UBE2R2: variants seen among roughly 807,000 people sequenced by gnomAD.
The protein encoded by UBE2R2 is ubiquitin conjugating enzyme E2 R2.
A neutral mutation model predicts 27.8 loss-of-function variants in UBE2R2; 1 was observed. The observed-to-expected ratio is 0.04, with a 90% CI of 0.01 to 0.17. The LOEUF (loss-of-function observed/expected upper bound fraction) is 0.17, where lower values mean the gene tolerates loss of function less well. Ranked by LOEUF, UBE2R2 falls within the 10% of genes least tolerant of loss-of-function variation. The pLI, the probability that UBE2R2 is intolerant of heterozygous loss-of-function variation, is 1.00. For synonymous variants in UBE2R2, 106 were observed against 113.3 expected (o/e 0.94, Z 0.41); for missense variants, 100 against 291.0 (o/e 0.34, Z 4.78).
At chr9:33,893,439 T>C (rs549049205) in intron 2 of UBE2R2, among the ~76,000 whole-genome samples, 5 of 152,284 alleles carry the variant, frequency 3.3e-5, no homozygotes, top group South Asian at 2.1e-4. Context: ...TATATAGATA[T>C]ACCACAATTT....
At chr9:33,826,917 T>A (rs1331731557) in intron 1 of UBE2R2, among the ~76,000 whole-genome samples, 1 of 151,998 alleles carries the variant, frequency 6.6e-6, no homozygotes, top group Admixed American at 6.6e-5. Flanking sequence ...ACCCCACATC[T>A]ACTGAAAATC....
chr9:33,856,038 A>G (rs969181258), intron 1 of UBE2R2, among the ~76,000 whole-genome samples: 2 of 152,144 alleles, frequency 1.3e-5, no homozygotes, highest in African/African-American at 4.8e-5. Context: ...AGCCTGGGTG[A>G]TAGAACCTGC....
At chr9:33,891,050 T>TTTTTGTTTTTTTTTTG (rs1554676124) in intron 2 of UBE2R2, among the ~76,000 whole-genome samples, 3 of 140,658 alleles carry the variant, frequency 2.1e-5, no homozygotes, top group East Asian at 2.2e-4. Context: ...TTGTTGTGTT[T>TTTTTGTTTTTTTTTTG]TTTTGTTTTT....
chr9:33,858,195 A>G (rs540323291), intron 1 of UBE2R2, among the ~76,000 whole-genome samples: 92 of 152,308 alleles, frequency 6.0e-4, no homozygotes, highest in African/African-American at 1.9e-3. Flanking sequence ...GTACCCTAGA[A>G]TCTTCTCAGG....
At position 33,917,171 on chromosome 9, in the gene UBE2R2, T is replaced by A. The variant is rs1564008880; in HGVS notation, c.651T>A (p.Asp217Glu). 2.5e-6 allele frequency: 4 copies of A among 1,614,114 alleles called. No homozygotes were observed. Residue 217 changes from aspartate to glutamate, a missense_variant, in exon 5 of 5, where the codon GAT (aspartate) becomes GAA (glutamate). This residue lies in a region of UBE2R2 where 55 missense variants were observed against 122.6 expected (regional missense o/e 0.45). Transcript: ENST00000263228. ...YDDLYDDDID[D>E]EDEEEEDADC... ...ACTTGTATGATGACGACATTGATGA[T>A]GAAGATGAGGAGGAGGAAGATGCCG... is the stretch of plus-strand genomic sequence containing the variant.
intron 1 of UBE2R2, among the ~76,000 whole-genome samples, chr9:33,852,386 C>G (rs1046132620): frequency 5.3e-5 from 8 of 152,178 alleles, no homozygotes; most frequent in Non-Finnish European, 1.2e-4. Context: ...TGATCCAAAT[C>G]TGACCTGGTC....
chr9:33,836,976 T>G (rs1402604602), intron 1 of UBE2R2, among the ~76,000 whole-genome samples: 1 of 152,102 alleles, frequency 6.6e-6, no homozygotes, highest in Non-Finnish European at 1.5e-5. Context: ...ATCCTGTGCA[T>G]GGTATGTGAA....
intron 4 of UBE2R2, 43 bp from the exon 5 acceptor site, chr9:33,916,971 TAAAA>T (rs1341972149): frequency 6.2e-7 from 1 of 1,601,808 alleles, no homozygotes; most frequent in African/African-American, 1.3e-5. Context: ...AAATCTGTCT[TAAAA>T]AAAGACTTAC....
At chr9:33,849,278 T>A (rs1044853569) in intron 1 of UBE2R2, among the ~76,000 whole-genome samples, 1 of 151,860 alleles carries the variant, frequency 6.6e-6, no homozygotes, top group African/African-American at 2.4e-5. Context: ...ATAAATAAAC[T>A]CCTGTTTATT....
At chr9:33,869,872 G>T (rs1385925033) in intron 1 of UBE2R2, among the ~76,000 whole-genome samples, 2 of 151,800 alleles carry the variant, frequency 1.3e-5, no homozygotes, top group Non-Finnish European at 2.9e-5. Flanking sequence ...TTGAGATGGA[G>T]TTTCGCTCTT....
chr9:33,873,195 A>T (rs912383949), intron 1 of UBE2R2, among the ~76,000 whole-genome samples: 1 of 149,800 alleles, frequency 6.7e-6, no homozygotes, highest in Non-Finnish European at 1.5e-5. Flanking sequence ...AAAAAAAAAA[A>T]AAGATCTAAT....
intron 1 of UBE2R2, among the ~76,000 whole-genome samples, chr9:33,872,093 G>T (rs1231703606): frequency 6.6e-6 from 1 of 151,828 alleles, no homozygotes; most frequent in East Asian, 1.9e-4. Context: ...TTTAATTAAA[G>T]ACTATTTTTT....
Position 33,914,934 on chromosome 9 carries a change from T to G in UBE2R2, c.498-2084T>G, listed in dbSNP as rs376611453. Among the ~76,000 whole-genome samples, 30 of 151,844 alleles carry G rather than the reference T, an allele frequency of 2.0e-4. No homozygotes were observed. In the East Asian group the frequency reaches 4.7e-3, roughly 24 times the overall value. On this transcript the variant is annotated intron_variant, in intron 4 of 4. Transcript: ENST00000263228. ...GGCAGATTGCTTGAGCCCAGGAGTT[T>G]GAGACAAGCCTGGGCAACATGGCAA...
At chr9:33,900,703 A>G (rs1365103192) in intron 3 of UBE2R2, among the ~76,000 whole-genome samples, 1 of 152,066 alleles carries the variant, frequency 6.6e-6, no homozygotes, top group Admixed American at 6.6e-5. Context: ...ACATATAAAT[A>G]TATATCTATA....
At chr9:33,891,640 C>T (rs1218984311) in intron 2 of UBE2R2, among the ~76,000 whole-genome samples, 2 of 151,872 alleles carry the variant, frequency 1.3e-5, no homozygotes, top group Non-Finnish European at 2.9e-5. Flanking sequence ...GAGTGAGACT[C>T]CTGTCTCAAA....
At position 33,916,996 on chromosome 9, in the gene UBE2R2, TTC is replaced by T; in HGVS notation, c.498-20_498-19del. 1.2e-6 allele frequency: 2 copies of T among 1,613,602 alleles called. No individual in the cohort carries two copies. Among genetic ancestry groups the T allele is most frequent in the South Asian group, 1.1e-5 (1 of 90,986 alleles). ...TAAAAAAAGACTTACCGTAAACCATTTCTGTGTCAACCTCCCTTCAGGAAACA... is the reference window on the plus strand; with the variant it reads ...TAAAAAAAGACTTACCGTAAACCATTTGTGTCAACCTCCCTTCAGGAAACA... On this transcript the variant is annotated intron_variant, in intron 4 of 4. Coordinates refer to ENST00000263228, the MANE Select transcript of UBE2R2 (RefSeq NM_017811.4).
intron 2 of UBE2R2, among the ~76,000 whole-genome samples, chr9:33,889,393 A>G (rs192143109): frequency 7.9e-5 from 12 of 151,990 alleles, no homozygotes; most frequent in Non-Finnish European, 1.5e-4. Flanking sequence ...TTTAGTAGAG[A>G]CAGGGTTTCA....
At chr9:33,911,700 G>C (rs1822495317) in intron 3 of UBE2R2, among the ~76,000 whole-genome samples, 1 of 152,070 alleles carries the variant, frequency 6.6e-6, no homozygotes, top group Non-Finnish European at 1.5e-5. Context: ...TAGAATCACA[G>C]ATTTCCTCTG....
chr9:33,834,035 G>T (rs1820556492), intron 1 of UBE2R2, among the ~76,000 whole-genome samples: 1 of 152,048 alleles, frequency 6.6e-6, no homozygotes, highest in African/African-American at 2.4e-5. Context: ...GTTGATGGAT[G>T]CTTGGGTTGT....
Sources: allele counts gnomAD v4.1 joint callset (sites outside exome capture counted in the v4.1 genomes callset), GRCh38; gene constraint gnomAD v4.1.1; regional missense constraint gnomAD v4.1.1; transcripts MANE v1.5; gene names NCBI Gene and HGNC (gene_info 2026-07-23, HGNC 2026-07-21).